The following PTPRB variants were observed in gnomAD, a reference collection of about 807,000 sequenced individuals.
PTPRB encodes protein tyrosine phosphatase receptor type B.
Under a neutral mutation model 238.1 loss-of-function variants are expected in PTPRB, and 97 were observed. The ratio of observed to expected loss-of-function variants is 0.41; its 90% CI spans 0.35 to 0.48. The LOEUF (loss-of-function observed/expected upper bound fraction) is 0.48. Among genes scored for constraint, PTPRB ranks in the 20% least tolerant of loss-of-function variants. The pLI, the probability that PTPRB is intolerant of heterozygous loss-of-function variation, is 0.30. For missense variants in PTPRB, 2,292 were observed against 2,681.9 expected, an observed-to-expected ratio of 0.85 and a Z score of 3.21; for synonymous variants, 970 against 995.4, an observed-to-expected ratio of 0.97 and a Z score of 0.48.
intron 2 of PTPRB, among the ~76,000 whole-genome samples, chr12:70,629,079 G>A (rs1047573916): frequency 3.3e-5 from 5 of 152,078 alleles, no homozygotes; most frequent in African/African-American, 1.2e-4. Flanking sequence ...AGAAGAAGTG[G>A]TTAGTAATAA....
intron 4 of PTPRB, among the ~76,000 whole-genome samples, chr12:70,606,798 C>T (rs919572001): frequency 5.9e-5 from 9 of 151,918 alleles, no homozygotes; most frequent in Non-Finnish European, 1.0e-4. Flanking sequence ...AAATAACAAC[C>T]GACTAAAAAA....
chr12:70,605,598 T>C (rs1371091518), intron 4 of PTPRB, among the ~76,000 whole-genome samples: 2 of 152,206 alleles, frequency 1.3e-5, no homozygotes, highest in African/African-American at 4.8e-5. Flanking sequence ...GGTAAGGAAA[T>C]GAATGAAGTG....
intron 3 of PTPRB, among the ~76,000 whole-genome samples, chr12:70,620,242 C>A (rs2136573563): frequency 6.6e-6 from 1 of 152,310 alleles, no homozygotes; most frequent in Non-Finnish European, 1.5e-5. Flanking sequence ...AGCTGCAAGC[C>A]AGGTCTGGGG....
At chr12:70,545,741 G>A (rs1201009723) in intron 21 of PTPRB, among the ~76,000 whole-genome samples, 5 of 152,166 alleles carry the variant, frequency 3.3e-5, no homozygotes, top group Admixed American at 1.3e-4. Context: ...ACTGAGAGGA[G>A]GAACTAGATG....
chr12:70,548,294 C>A (rs1277661161), intron 21 of PTPRB, among the ~76,000 whole-genome samples: 2 of 151,740 alleles, frequency 1.3e-5, no homozygotes, highest in Non-Finnish European at 2.9e-5. Context: ...CACCACTGCA[C>A]TCCAGCCTGG....
At chr12:70,559,031 A>G in intron 18 of PTPRB, 1 of 481,588 alleles carries the variant, frequency 2.1e-6, no homozygotes, top group Non-Finnish European at 3.7e-6. Flanking sequence ...GTTCTCTTGT[A>G]TTGGGTCAGA....
intron 4 of PTPRB, chr12:70,608,620 A>T (rs1884160812): frequency 6.3e-6 from 1 of 159,560 alleles, no homozygotes; most frequent in Non-Finnish European, 1.4e-5. Flanking sequence ...GCTCCATTCT[A>T]TTCCTGCAGA....
In PTPRB at chr12:70,629,779, A is replaced by G. The variant is rs192387676; in HGVS notation, c.451+5892T>C. On this transcript the variant is annotated intron_variant, in intron 2 of 33. Transcript: ENST00000334414. ...ATAAAGGGATATCACCACCGATCCC[A>G]CAGAAATACAAACTACCATCAGAGA... Among the ~76,000 whole-genome samples, 27 of 152,352 alleles carry G rather than the reference A, an allele frequency of 1.8e-4. No individual in the cohort carries two copies. The East Asian group carries it at 4.4e-3, about 25-fold the overall frequency.
At chr12:70,627,332 G>A (rs1228431163) in intron 2 of PTPRB, among the ~76,000 whole-genome samples, 2 of 152,132 alleles carry the variant, frequency 1.3e-5, no homozygotes, top group Non-Finnish European at 2.9e-5. Flanking sequence ...GAATAACTTG[G>A]CGTGCGCAGG....
At chr12:70,544,431 G>C (rs1875650027) in intron 22 of PTPRB, 126 bp downstream of exon 22, 3 of 677,214 alleles carry the variant, frequency 4.4e-6, no homozygotes, top group Non-Finnish European at 7.5e-6. Context: ...TCAATTTTTG[G>C]TCACATAAAG....
At chr12:70,575,402 T>C (rs1880571986) in intron 11 of PTPRB, among the ~76,000 whole-genome samples, 2 of 152,202 alleles carry the variant, frequency 1.3e-5, no homozygotes, top group African/African-American at 4.8e-5. Flanking sequence ...CTGTTTCTTC[T>C]CAAAGAAATG....
chr12:70,567,832 C>T (rs1302132757), intron 14 of PTPRB, among the ~76,000 whole-genome samples: 1 of 152,168 alleles, frequency 6.6e-6, no homozygotes, highest in Non-Finnish European at 1.5e-5. Flanking sequence ...ACATGCCTCA[C>T]ATTTTTTATT....
chr12:70,587,932 C>T (rs1004813535), intron 8 of PTPRB, among the ~76,000 whole-genome samples: 1 of 151,172 alleles, frequency 6.6e-6, no homozygotes, highest in South Asian at 2.1e-4. Context: ...AAAACTCCAT[C>T]TCTACTAAAA....
intron 4 of PTPRB, among the ~76,000 whole-genome samples, chr12:70,597,506 C>A (rs1442577425): frequency 6.6e-6 from 1 of 152,136 alleles, no homozygotes; most frequent in Non-Finnish European, 1.5e-5. Context: ...AAATAAGGGG[C>A]TGCCCCTACC....
At chr12:70,548,409 G>T (rs1415890727) in intron 21 of PTPRB, among the ~76,000 whole-genome samples, 4 of 149,366 alleles carry the variant, frequency 2.7e-5, no homozygotes, top group Non-Finnish European at 5.9e-5. Flanking sequence ...TAGGAAGGAT[G>T]AAAAAAGCCT....
Position 70,594,484 on chromosome 12 carries a change from C to T in PTPRB, c.1499G>A (p.Trp500Ter). The change falls in exon 6 of 34, where the codon TGG (tryptophan) becomes TAG (stop). Residue 500 changes from tryptophan to a stop codon, truncating the protein, a stop_gained. Coordinates refer to ENST00000334414, the MANE Select transcript of PTPRB (RefSeq NM_001109754.4). LOFTEE classifies it high-confidence loss of function. ...TEAAGLQNYR[W>*]KLVRTAPMEV... ...GAACTTACCTGTCCTGACTAGTTTC[C>T]ACCTGTAGTTTTGCAGCCCTGCAGC... 6.2e-7 allele frequency: 1 copy of T among 1,613,968 alleles called. No individual in the cohort carries two copies. Among genetic ancestry groups the T allele is most frequent in the Non-Finnish European group, 8.5e-7 (1 of 1,179,876 alleles).
At chr12:70,561,530 T>A (rs185658455) in intron 16 of PTPRB, among the ~76,000 whole-genome samples, 1 of 152,296 alleles carries the variant, frequency 6.6e-6, no homozygotes, top group Non-Finnish European at 1.5e-5. Flanking sequence ...CCTTTAAGCA[T>A]TAATGAGCAG....
chr12:70,569,970 C>G lies in PTPRB; in HGVS notation c.3371-32G>C, dbSNP rs564205359. On this transcript the variant is annotated intron_variant, in intron 13 of 33. Transcript: ENST00000334414. ...CAGAAAATAAATTTAAAAGTCATCA[C>G]TTAGAGAATGAACTGTTGAAATTTT... 9.0e-6 allele frequency: 14 copies of G among 1,560,040 alleles called. No homozygotes were observed. In the East Asian group the frequency reaches 2.7e-4, roughly 30 times the overall value.
At chr12:70,573,540 T>C (rs1880354241) in intron 11 of PTPRB, among the ~76,000 whole-genome samples, 1 of 140,294 alleles carries the variant, frequency 7.1e-6, no homozygotes, top group Admixed American at 7.5e-5. Flanking sequence ...AGAATCTCAC[T>C]CTCTTGCCCG....
Sources: gnomAD v4.1 joint callset for allele counts (sites outside exome capture counted in the v4.1 genomes callset) on GRCh38, gnomAD v4.1.1 for gene constraint, MANE v1.5 for transcripts, NCBI Gene and HGNC (gene_info 2026-07-23, HGNC 2026-07-21) for gene names.